Variants in TANGO2 observed in about 807,000 individuals in gnomAD.
The protein encoded by TANGO2 is transport and golgi organization 2 homolog.
In TANGO2, 26 loss-of-function variants were observed where a neutral mutation model predicts 39.1. The ratio of observed to expected loss-of-function variants is 0.67; its 90% CI spans 0.49 to 0.92. TANGO2 has a LOEUF of 0.92. TANGO2 is among the 40% of genes least tolerant of loss of function. TANGO2 has a pLI of 0.00. For synonymous variants in TANGO2, 131 were observed against 144.5 expected, an observed-to-expected ratio of 0.91 and a Z score of 0.67; for missense variants, 326 against 360.1, an observed-to-expected ratio of 0.91 and a Z score of 0.77.
intron 1 of TANGO2, among the ~76,000 whole-genome samples, chr22:20,022,392 C>G (rs2039879950): frequency 6.6e-6 from 1 of 152,182 alleles, no homozygotes; most frequent in African/African-American, 2.4e-5. Context: ...CCCACAGGAT[C>G]CTAGTGCTCT....
chr22:20,052,708 A>G (rs2046606796), intron 4 of TANGO2, 124 bp downstream of exon 4: 4 of 1,259,042 alleles, frequency 3.2e-6, no homozygotes, highest in Admixed American at 2.2e-5. Flanking sequence ...GGGCCAAGGT[A>G]GGAAGTGCCA....
At chr22:20,020,158 A>C (rs2039463086), upstream of TANGO2, among the ~76,000 whole-genome samples, 8 of 152,220 alleles carry the variant, frequency 5.3e-5, no homozygotes, top group Admixed American at 4.6e-4. Flanking sequence ...AACTGCTCCA[A>C]GTCTCAGTGT....
rs536176893 is a variant in TANGO2, at chr22:20,049,165, A to AC, written c.146-3295dup. 9.4e-4 allele frequency among the ~76,000 whole-genome samples: 143 copies of AC among 152,122 alleles called. 1 individual carries two copies. The highest frequency in any genetic ancestry group is 5.9e-5 in the Non-Finnish European group (4 of 67,998). On this transcript the variant is annotated intron_variant, in intron 3 of 8. Transcript: ENST00000327374. ...TAGGGGTTGAGATTTACTGCCTCCA[A>AC]CCCCCAAATCTCTCTAGTTGTTCCA...
chr22:20,042,444 G>T (rs1489701680), intron 2 of TANGO2, among the ~76,000 whole-genome samples: 1 of 152,190 alleles, frequency 6.6e-6, no homozygotes, highest in Non-Finnish European at 1.5e-5. Flanking sequence ...TTAAAGTTTA[G>T]ATGTCTCTCC....
In TANGO2 at chr22:20,021,204, G is replaced by C. The variant is rs1362217775; in HGVS notation, c.-82G>C. Reference sequence around the variant, plus strand: ...GCCGGCCTGGGCTCGGGGGCTCCGGGCTCTGGGCTCTGGGTGCGCGGACCG... The same window carrying C: ...GCCGGCCTGGGCTCGGGGGCTCCGGCCTCTGGGCTCTGGGTGCGCGGACCG... On this transcript the variant is annotated 5_prime_UTR_variant, in exon 1 of 9. Coordinates refer to ENST00000327374, the MANE Select transcript of TANGO2 (RefSeq NM_152906.7). The C allele has an allele frequency of 6.6e-6, 1 of 152,246 alleles. No homozygotes were observed. The highest frequency in any genetic ancestry group is 2.4e-5 in the African/African-American group (1 of 41,452). 9.4% of individuals were successfully genotyped at this position (152,246 alleles called of 1,614,324 possible).
chr22:20,023,609 G>A (rs1312983455), intron 1 of TANGO2, among the ~76,000 whole-genome samples: 2 of 151,202 alleles, frequency 1.3e-5, no homozygotes, highest in Non-Finnish European at 2.9e-5. Context: ...AATCCCAGCA[G>A]TTTGGGAGGC....
intron 3 of TANGO2, among the ~76,000 whole-genome samples, chr22:20,050,660 CTT>C (rs74915154): frequency 1.4e-4 from 18 of 128,624 alleles, no homozygotes; most frequent in Non-Finnish European, 1.2e-4. Flanking sequence ...CTGCACCCGG[CTT>C]TTTTTTTTTT....
intron 1 of TANGO2, among the ~76,000 whole-genome samples, chr22:20,024,096 A>G (rs1398347677): frequency 2.0e-5 from 3 of 152,184 alleles, no homozygotes; most frequent in Non-Finnish European, 4.4e-5. Context: ...CTGAGGCAGG[A>G]GAATTGCTTG....
At chr22:20,034,646 C>T (rs189701702) in intron 1 of TANGO2, among the ~76,000 whole-genome samples, 7 of 152,266 alleles carry the variant, frequency 4.6e-5, no homozygotes, top group Non-Finnish European at 8.8e-5. Context: ...GGGGTGGCTG[C>T]GGCTGTAGTT....
At chr22:20,054,153 G>C (rs1321700331) in intron 5 of TANGO2, 1 of 234,046 alleles carries the variant, frequency 4.3e-6, no homozygotes, top group African/African-American at 2.3e-5. Context: ...CTCTCTCCTG[G>C]CTCCCGAGCT....
At chr22:20,043,522 G>T (rs2044409915) in intron 3 of TANGO2, 79 bp downstream of exon 3, 5 of 971,154 alleles carry the variant, frequency 5.1e-6, no homozygotes, top group Non-Finnish European at 8.1e-6. Context: ...GACCCTAACT[G>T]AGTGGTGCTG....
intron 3 of TANGO2, chr22:20,048,390 A>T (rs2147375584): frequency 6.6e-6 from 1 of 152,286 alleles, no homozygotes; most frequent in African/African-American, 2.4e-5. Context: ...TTCCTTTATA[A>T]ATTACCCAGT....
At position 20,064,754 on chromosome 22, in the gene TANGO2, C is replaced by T; in HGVS notation, c.*92C>T. 2 of 1,514,000 alleles carry T rather than the reference C, an allele frequency of 1.3e-6. No homozygotes were observed. The highest frequency in any genetic ancestry group is 1.8e-6 in the Non-Finnish European group (2 of 1,118,494). The allele number at this position is 1,514,000 out of a possible 1,614,324, so 93.8% of individuals were successfully genotyped here. ...AACCTTCCTTTGCCATACTGCATTG[C>T]ACTGCCCGTGGCTTGGCCAGCATCC... On this transcript the variant is annotated 3_prime_UTR_variant, in exon 9 of 9. Coordinates refer to ENST00000327374, the MANE Select transcript of TANGO2 (RefSeq NM_152906.7).
chr22:20,047,514 C>T (rs1011477627), intron 3 of TANGO2, among the ~76,000 whole-genome samples: 5 of 152,144 alleles, frequency 3.3e-5, no homozygotes, highest in African/African-American at 9.7e-5. Context: ...AGATTAGAGG[C>T]GTGAGCCACC....
chr22:20,044,750 G>A (rs776499269), intron 3 of TANGO2, among the ~76,000 whole-genome samples: 16 of 152,202 alleles, frequency 1.1e-4, no homozygotes, highest in Non-Finnish European at 2.4e-4. Context: ...GGACGGGTGG[G>A]TGAAGGCACA....
At chr22:20,030,016 A>G (rs1367667501) in intron 1 of TANGO2, among the ~76,000 whole-genome samples, 3 of 152,038 alleles carry the variant, frequency 2.0e-5, no homozygotes, top group East Asian at 3.9e-4. Flanking sequence ...CCAAGTCCCT[A>G]TGTGCTCCAG....
At chr22:20,049,635 G>T (rs887725452) in intron 3 of TANGO2, among the ~76,000 whole-genome samples, 6 of 149,834 alleles carry the variant, frequency 4.0e-5, no homozygotes, top group African/African-American at 1.5e-4. Flanking sequence ...ACTCCAGCCT[G>T]GGTAACAAGA....
chr22:20,063,371 T>G lies in TANGO2; in HGVS notation c.639T>G (p.Gly213=). 6.2e-7 allele frequency: 1 copy of G among 1,613,216 alleles called. No homozygotes were observed. The highest frequency in any genetic ancestry group is 8.5e-7 in the Non-Finnish European group (1 of 1,179,820). The part of the protein sequence containing the change: ...QLPDPAIEDQ[G]GEYVQPMLSK... ...CAGACCCGGCCATCGAGGACCAGGG[T>G]GGGGAGTACGTGCAGCCCATGCTGA... is the stretch of plus-strand genomic sequence containing the variant. The change falls in exon 8 of 9, where the codon GGT becomes GGG. Residue 213 remains glycine (G), a synonymous_variant. Coordinates refer to ENST00000327374, the MANE Select transcript of TANGO2 (RefSeq NM_152906.7).
intron 3 of TANGO2, among the ~76,000 whole-genome samples, chr22:20,051,826 G>A (rs1174369805): frequency 6.6e-6 from 1 of 151,970 alleles, no homozygotes; most frequent in African/African-American, 2.4e-5. Flanking sequence ...CTCCAGCTTG[G>A]GTGACAGAGT....
Sources: allele counts gnomAD v4.1 joint callset (sites outside exome capture counted in the v4.1 genomes callset), GRCh38; gene constraint gnomAD v4.1.1; transcripts MANE v1.5; gene names NCBI Gene and HGNC (gene_info 2026-07-23, HGNC 2026-07-21).